SLC6A8: variants seen among roughly 807,000 people sequenced by gnomAD.
The protein encoded by SLC6A8 is sodium- and chloride-dependent creatine transporter 1.
Under a neutral mutation model 48.3 loss-of-function variants are expected in SLC6A8, and 6 were observed. The observed-to-expected ratio is 0.12, with a 90% CI of 0.07 to 0.25. SLC6A8 has a LOEUF of 0.25. Among genes scored for constraint, SLC6A8 ranks in the 10% least tolerant of loss-of-function variants. The pLI, the probability that SLC6A8 is intolerant of heterozygous loss-of-function variation, is 1.00. For missense variants in SLC6A8, 260 were observed against 551.5 expected (o/e 0.47, Z 5.29); for synonymous variants, 245 against 244.0 (o/e 1.00, Z -0.04).
intron 1 of SLC6A8, among the ~76,000 whole-genome samples, chrX:153,690,006 T>C (rs6571288): frequency 0.25 from 27,589 of 112,088 alleles, 4,416 homozygotes; most frequent in African/African-American, 0.59. Context: ...CATGCACACA[T>C]GCACGTGCCC....
chrX:153,694,476 G>T, intron 10 of SLC6A8, 30 bp downstream of exon 10: 2 of 1,193,098 alleles, frequency 1.7e-6, no homozygotes, highest in Non-Finnish European at 2.3e-6. Context: ...TGGGCTGGGG[G>T]ATGGTGGCGG....
At chrX:153,689,233 A>AAC (rs1180962031) in intron 1 of SLC6A8, among the ~76,000 whole-genome samples, 3 of 107,386 alleles carry the variant, frequency 2.8e-5, no homozygotes, top group Admixed American at 9.5e-5. Context: ...CACACACACG[A>AAC]ACACACACAC....
At position 153,688,633 on chromosome X, in the gene SLC6A8, G is replaced by A; in HGVS notation, c.59G>A (p.Gly20Asp). The A allele has an allele frequency of 9.3e-7, 1 of 1,080,196 alleles. No individual in the cohort carries two copies. The highest frequency in any genetic ancestry group is 2.1e-5 in the South Asian group (1 of 46,539). 89.0% of individuals were successfully genotyped at this position (1,080,196 alleles called of 1,213,427 possible). A position where few individuals can be genotyped will look rare whatever the true frequency, so the allele number is the denominator to read the frequency against. The change falls in exon 1 of 13, where the codon GGC becomes GAC. Residue 20 changes from glycine to aspartate, a missense_variant. This residue lies in a region of SLC6A8 where 50 missense variants were observed against 55.1 expected (regional missense o/e 0.91). Coordinates refer to ENST00000253122, the MANE Select transcript of SLC6A8 (RefSeq NM_005629.4). ...AGCGTGTCCGGCGACGAGAAGAAGG[G>A]CCCCCTCATCGCGCCCGGGCCCGAC... ...IYSVSGDEKK[G>D]PLIAPGPDGA...
At chrX:153,693,743 T>C (rs2091470780) in intron 7 of SLC6A8, among the ~76,000 whole-genome samples, 157 bp downstream of exon 7, 1 of 113,082 alleles carries the variant, frequency 8.8e-6, no homozygotes, top group Admixed American at 9.3e-5. Flanking sequence ...GATTTGTCAA[T>C]GTTGACAGAG....
chrX:153,694,056 G>C, intron 8 of SLC6A8, 39 bp downstream of exon 8: 1 of 1,189,797 alleles, frequency 8.4e-7, no homozygotes, highest in Non-Finnish European at 1.1e-6. Context: ...CAGGAGGGGG[G>C]CGGAGGGAGG....
At chrX:153,695,022 T>C (rs1323484202) in intron 12 of SLC6A8, 52 bp from the exon 13 acceptor site, 17 of 1,170,092 alleles carry the variant, frequency 1.5e-5, no homozygotes, top group Admixed American at 7.2e-5. Context: ...GAAGTCACCG[T>C]GGGGACGAGC....
Position 153,688,523 on chromosome X carries a change from G to GC in SLC6A8, c.-46dup. On this transcript the variant is annotated 5_prime_UTR_variant, in exon 1 of 13. Transcript: ENST00000253122. Reference sequence around the variant, plus strand: ...CGCCGGTGCCCCCCGCCTGACCGCCGCCCCCCGTGAGGCGCCGCGACCCCG... The same window carrying GC: ...CGCCGGTGCCCCCCGCCTGACCGCCGCCCCCCCGTGAGGCGCCGCGACCCCG... 1.6e-6 allele frequency: 1 copy of GC among 617,046 alleles called. No homozygotes were observed. The highest frequency in any genetic ancestry group is 2.0e-6 in the Non-Finnish European group (1 of 494,203). The allele number at this position is 617,046 out of a possible 1,213,427, so 50.9% of individuals were successfully genotyped here.
chrX:153,695,499 C>G lies in SLC6A8; in HGVS notation c.*285C>G, dbSNP rs1177221828. Reference sequence around the variant, plus strand: ...CCCCACCCCCACCCACAGTGCTGCACTCCTCCTGCCCCTGCCACGCCCACC... The same window carrying G: ...CCCCACCCCCACCCACAGTGCTGCAGTCCTCCTGCCCCTGCCACGCCCACC... On this transcript the variant is annotated 3_prime_UTR_variant, in exon 13 of 13. Transcript: ENST00000253122. 6 of 361,747 alleles carry G rather than the reference C, an allele frequency of 1.7e-5. No individual in the cohort carries two copies. Among genetic ancestry groups the G allele is most frequent in the Non-Finnish European group, 2.4e-5 (5 of 205,511 alleles). The allele number at this position is 361,747 out of a possible 1,213,427, so 29.8% of individuals were successfully genotyped here.
chrX:153,690,639 G>C, intron 2 of SLC6A8, 133 bp downstream of exon 2: 1 of 748,930 alleles, frequency 1.3e-6, no homozygotes, highest in East Asian at 3.5e-5. Context: ...GGGGAGCCTG[G>C]AGGAGATGTT....
chrX:153,693,856 C>T (rs1302309776), intron 7 of SLC6A8, 49 bp from the exon 8 acceptor site: 1 of 1,008,100 alleles, frequency 9.9e-7, no homozygotes, highest in African/African-American at 1.9e-5. Context: ...AGGGTGCGCA[C>T]AGGGCAGGAC....
At position 153,696,317 on chromosome X, in the gene SLC6A8, C is replaced by T; in HGVS notation, c.*1103C>T. The T allele has an allele frequency of 6.1e-6, 2 of 328,941 alleles. No homozygotes were observed. Among genetic ancestry groups the T allele is most frequent in the East Asian group, 9.7e-5 (1 of 10,284 alleles). The allele number at this position is 328,941 out of a possible 1,213,427, so 27.1% of individuals were successfully genotyped here. A position where few individuals can be genotyped will look rare whatever the true frequency, so the allele number is the denominator to read the frequency against. On this transcript the variant is annotated 3_prime_UTR_variant, in exon 13 of 13. Transcript: ENST00000253122. ...GGCTTCCCACCCTGTGCGGGGCACACCCCCAGGAAGGGACCCTGGACACGG... is the reference window on the plus strand; with the variant it reads ...GGCTTCCCACCCTGTGCGGGGCACATCCCCAGGAAGGGACCCTGGACACGG...
At position 153,688,807 on chromosome X, in the gene SLC6A8, T is replaced by C; in HGVS notation, c.233T>C (p.Phe78Ser). 1 of 1,134,445 alleles carries C rather than the reference T, an allele frequency of 8.8e-7. No individual in the cohort carries two copies. The highest frequency in any genetic ancestry group is 1.2e-6 in the Non-Finnish European group (1 of 854,559). 93.5% of individuals were successfully genotyped at this position (1,134,445 alleles called of 1,213,427 possible). The change falls in exon 1 of 13, where the codon TTC becomes TCC. Residue 78 changes from phenylalanine (F) to serine (S), a missense_variant. Phe to Ser is a radical substitution (Grantham distance 155). This residue lies in a region of SLC6A8 where 24 missense variants were observed against 52.0 expected (regional missense o/e 0.46). Transcript: ENST00000253122. The stretch of plus-strand genomic sequence containing the variant: ...GTGGGCTTGGGCAACGTGTGGCGCT[T>C]CCCCTACCTGTGCTACAAGAACGGC... The part of the protein sequence containing the change: ...FAVGLGNVWR[F>S]PYLCYKNGGG...
In SLC6A8 at chrX:153,688,564, C is replaced by T. The variant is rs781794844; in HGVS notation, c.-11C>T. 1.9e-5 allele frequency: 19 copies of T among 984,215 alleles called. No homozygotes were observed. The Admixed American group carries it at 6.4e-4, about 33-fold the overall frequency. 81.1% of individuals were successfully genotyped at this position (984,215 alleles called of 1,213,427 possible). ...CGCGACCCCGGCCCGGCCGTGCGGC[C>T]CGCCGAGGCCATGGCGAAGAAGAGC... On this transcript the variant is annotated 5_prime_UTR_variant, in exon 1 of 13. Transcript: ENST00000253122.
At chrX:153,689,985 GC>G (rs1427838721) in intron 1 of SLC6A8, among the ~76,000 whole-genome samples, 1 of 112,837 alleles carries the variant, frequency 8.9e-6, no homozygotes, top group Non-Finnish European at 1.9e-5. Context: ...TGATCACCCA[GC>G]CTTGGCACAC....
chrX:153,694,748 C>T lies in SLC6A8; in HGVS notation c.1626C>T (p.Tyr542=), dbSNP rs140601882. 1.8e-4 allele frequency: 217 copies of T among 1,209,756 alleles called. 1 individual carries two copies. Among genetic ancestry groups the T allele is most frequent in the African/African-American group, 1.0e-3 (58 of 57,461 alleles). Residue 542 remains tyrosine, a synonymous_variant, in exon 12 of 13, where the codon TAC becomes TAT. Coordinates refer to ENST00000253122, the MANE Select transcript of SLC6A8 (RefSeq NM_005629.4). ...TCTTCATCTTCAACGTTGTGTACTA[C>T]GAGCCGCTGGTCTACAACAACACCT... ...MGIFIFNVVY[Y]EPLVYNNTYV...
rs782177114 is a variant in SLC6A8, at chrX:153,695,219, TCAGCTCACATCAC to T, written c.*14_*26del. The T allele has an allele frequency of 2.5e-6, 3 of 1,177,806 alleles. No homozygotes were observed. The highest frequency in any genetic ancestry group is 2.5e-4 in the Middle Eastern group (1 of 3,934). ...GTGGTGGAGAGTGTCATGTGACAAC[TCAGCTCACATCAC>T]CAGCTCACCTCTGGTAGCCATAGCA... On this transcript the variant is annotated 3_prime_UTR_variant, in exon 13 of 13. Transcript: ENST00000253122.
chrX:153,694,317 C>A lies in SLC6A8; in HGVS notation c.1393-27C>A, dbSNP rs782559299. 17 of 1,209,520 alleles carry A rather than the reference C, an allele frequency of 1.4e-5. No homozygotes were observed. The Admixed American group carries it at 3.7e-4, about 26-fold the overall frequency. ...GTGACCTCTGGTGGCCGTCTGCCAT[C>A]CTCCCTGACTGGGCTCTGTCCCCCA... is the stretch of plus-strand genomic sequence containing the variant. On this transcript the variant is annotated intron_variant, in intron 9 of 12. Coordinates refer to ENST00000253122, the MANE Select transcript of SLC6A8 (RefSeq NM_005629.4).
At position 153,688,742 on chromosome X, in the gene SLC6A8, G is replaced by A; in HGVS notation, c.168G>A (p.Thr56=). 8.8e-7 allele frequency: 1 copy of A among 1,137,493 alleles called. No individual in the cohort carries two copies. Among genetic ancestry groups the A allele is most frequent in the Non-Finnish European group, 1.2e-6 (1 of 855,527 alleles). 93.7% of individuals were successfully genotyped at this position (1,137,493 alleles called of 1,213,427 possible). A position where few individuals can be genotyped will look rare whatever the true frequency, so the allele number is the denominator to read the frequency against. Residue 56 remains threonine, a synonymous_variant, in exon 1 of 13, where the codon ACG becomes ACA. Coordinates refer to ENST00000253122, the MANE Select transcript of SLC6A8 (RefSeq NM_005629.4). ...RLAVPPRETW[T]RQMDFIMSCV... is the part of the protein sequence containing the mutation. Reference sequence around the variant, plus strand: ...CCGTGCCGCCGCGCGAGACCTGGACGCGCCAGATGGACTTCATCATGTCGT... The same window carrying A: ...CCGTGCCGCCGCGCGAGACCTGGACACGCCAGATGGACTTCATCATGTCGT...
In SLC6A8 at chrX:153,695,316, G is replaced by A; in HGVS notation, c.*102G>A. 3.3e-6 allele frequency: 3 copies of A among 904,330 alleles called. No homozygotes were observed. The highest frequency in any genetic ancestry group is 4.7e-6 in the Non-Finnish European group (3 of 634,829). 74.5% of individuals were successfully genotyped at this position (904,330 alleles called of 1,213,427 possible). A position where few individuals can be genotyped will look rare whatever the true frequency, so the allele number is the denominator to read the frequency against. Reference sequence around the variant, plus strand: ...GGGCCTGCCTTTCCCTGACACTTTTGGGGTCTGCCTGGGGGAGGAGGGGAG... The same window carrying A: ...GGGCCTGCCTTTCCCTGACACTTTTAGGGTCTGCCTGGGGGAGGAGGGGAG... On this transcript the variant is annotated 3_prime_UTR_variant, in exon 13 of 13. Transcript: ENST00000253122.
Sources: gnomAD v4.1 joint callset for allele counts (sites outside exome capture counted in the v4.1 genomes callset) on GRCh38, gnomAD v4.1.1 for gene constraint, gnomAD v4.1.1 regional missense constraint, MANE v1.5 for transcripts, NCBI Gene and HGNC (gene_info 2026-07-23, HGNC 2026-07-21) for gene names.